Variants in RAP1GAP2 observed in about 807,000 individuals in gnomAD.
RAP1GAP2 encodes the protein rap1 GTPase-activating protein 2.
In RAP1GAP2, 27 loss-of-function variants were observed where a neutral mutation model predicts 95.0. The ratio of observed to expected loss-of-function variants is 0.28; its 90% CI spans 0.21 to 0.39. RAP1GAP2 has a LOEUF of 0.39. Ranked by LOEUF, RAP1GAP2 falls within the 10% of genes least tolerant of loss-of-function variation. The pLI is 1.00. For synonymous variants in RAP1GAP2, 373 were observed against 380.9 expected (o/e 0.98, Z 0.24); for missense variants, 771 against 970.0 (o/e 0.79, Z 2.72).
At chr17:2,876,847 T>C (rs1329557480) in intron 2 of RAP1GAP2, among the ~76,000 whole-genome samples, 1 of 151,942 alleles carries the variant, frequency 6.6e-6, no homozygotes, top group Non-Finnish European at 1.5e-5. Flanking sequence ...GGGTCATCAG[T>C]TGGTTGGGGG....
intron 2 of RAP1GAP2, among the ~76,000 whole-genome samples, chr17:2,824,322 C>T (rs1312150845): frequency 1.1e-4 from 17 of 151,348 alleles, no homozygotes; most frequent in Non-Finnish European, 2.2e-4. Flanking sequence ...TGGCACACGC[C>T]TGTAATCTCA....
At chr17:2,880,613 T>C (rs755636932) in intron 2 of RAP1GAP2, among the ~76,000 whole-genome samples, 121 of 151,944 alleles carry the variant, frequency 8.0e-4, no homozygotes, top group Non-Finnish European at 1.5e-3. Flanking sequence ...ATGGAAACTG[T>C]ATCCATTAGC....
chr17:2,905,255 C>G, intron 2 of RAP1GAP2, 29 bp from the exon 3 acceptor site: 14 of 1,602,810 alleles, frequency 8.7e-6, no homozygotes, highest in Non-Finnish European at 1.2e-5. Flanking sequence ...CAGGCAGGTC[C>G]TCACTCACCT....
At position 2,984,992 on chromosome 17, in the gene RAP1GAP2, A is replaced by T; in HGVS notation, c.739A>T (p.Met247Leu). 6.2e-7 allele frequency: 1 copy of T among 1,607,352 alleles called. No individual in the cohort carries two copies. Among genetic ancestry groups the T allele is most frequent in the Non-Finnish European group, 8.5e-7 (1 of 1,178,024 alleles). ...NPVLYPKASQMIVSYDEHEVN... is the reference protein window; with the variant it reads ...NPVLYPKASQLIVSYDEHEVN... Reference sequence around the variant, plus strand: ...TTGCCACATTTTCCAGGCCTCCCAAATGATTGTGTCCTATGATGAGCATGA... The same window carrying T: ...TTGCCACATTTTCCAGGCCTCCCAATTGATTGTGTCCTATGATGAGCATGA... Residue 247 changes from methionine to leucine, a missense_variant, in exon 11 of 25, where the codon ATG (methionine) becomes TTG (leucine). Met to Leu is a conservative substitution (Grantham distance 15). Transcript: ENST00000254695.
intron 3 of RAP1GAP2, among the ~76,000 whole-genome samples, chr17:2,921,696 GCAGGGCCGTTATGTGTCCA>G (rs1401973761): frequency 1.8e-4 from 10 of 56,948 alleles, no homozygotes; most frequent in African/African-American, 6.5e-4. Flanking sequence ...TAAGGTGTCC[GCAGGGCCGTTATGTGTCCA>G]CAGGGCCGTT....
rs775812605 is a variant in RAP1GAP2, at chr17:2,902,220, CT to C, written c.81-3050del. Reference sequence around the variant, plus strand: ...TTTCTTCACATTGTTGCCTTCCCTTCTTTTTTTTTTTTTTGAGATGGAGTCT... The same window carrying C: ...TTTCTTCACATTGTTGCCTTCCCTTCTTTTTTTTTTTTTGAGATGGAGTCT... On this transcript the variant is annotated intron_variant, in intron 2 of 24. Transcript: ENST00000254695. The surrounding 1 kb of genome is among the most constrained non-coding windows in gnomAD (Gnocchi z 4.1). Among the ~76,000 whole-genome samples, 315 of 144,508 alleles carry C rather than the reference CT, an allele frequency of 2.2e-3. No individual in the cohort carries two copies. Among genetic ancestry groups the C allele is most frequent in the Admixed American group, 2.3e-3 (33 of 14,470 alleles). The allele number at this position is 144,508 out of a possible 152,430, so 94.8% of individuals were successfully genotyped here. A position where few individuals can be genotyped will look rare whatever the true frequency, so the allele number is the denominator to read the frequency against.
In RAP1GAP2 at chr17:3,018,109, CAGA is replaced by C. The variant is rs1273129980; in HGVS notation, c.1549_1551del (p.Lys517del). The C allele has an allele frequency of 6.3e-6, 10 of 1,591,028 alleles. No individual in the cohort carries two copies. The highest frequency in any genetic ancestry group is 2.7e-5 in the African/African-American group (2 of 74,208). On this transcript the variant is annotated inframe_deletion, in exon 18 of 25. Coordinates refer to ENST00000254695, the MANE Select transcript of RAP1GAP2 (RefSeq NM_015085.5). ...CTCCATGGAGACCATGGTGGGCGGCCAGAAGAAGTCGCACAGTGGGGGCATCCC... is the reference window on the plus strand; with the variant it reads ...CTCCATGGAGACCATGGTGGGCGGCCAGAAGTCGCACAGTGGGGGCATCCC...
rs986083774 is a variant in RAP1GAP2, at chr17:2,797,066, C to A, written c.44+495C>A. Among the ~76,000 whole-genome samples, 2 of 151,866 alleles carry A rather than the reference C, an allele frequency of 1.3e-5. No homozygotes were observed. Among genetic ancestry groups the A allele is most frequent in the African/African-American group, 2.4e-5 (1 of 41,314 alleles). ...CTGTGTCTGTGTGTGCTTGTGTCTG[C>A]GTGTTTGTGTGTGTGATGCTCCTGT... is the stretch of plus-strand genomic sequence containing the variant. On this transcript the variant is annotated intron_variant, in intron 1 of 24. Coordinates refer to ENST00000254695, the MANE Select transcript of RAP1GAP2 (RefSeq NM_015085.5). This position sits in a 1 kb window ranked among gnomAD's most constrained non-coding sequence, Gnocchi z 5.6.
chr17:2,787,283 G>A (rs527316630), intron 1 of RAP1GAP2, among the ~76,000 whole-genome samples: 147 of 133,390 alleles, frequency 1.1e-3, no homozygotes, highest in African/African-American at 3.9e-3. Flanking sequence ...TTTTTTTTTC[G>A]AGACAGAGTC....
intron 8 of RAP1GAP2, among the ~76,000 whole-genome samples, chr17:2,979,856 G>A (rs1216254971): frequency 6.6e-6 from 1 of 152,126 alleles, no homozygotes; most frequent in Non-Finnish European, 1.5e-5. Context: ...TGGGCCACCT[G>A]AGGCCGATCT....
intron 8 of RAP1GAP2, among the ~76,000 whole-genome samples, chr17:2,969,175 C>CTATCTATATATATATA (rs1316715330): frequency 9.8e-6 from 1 of 101,896 alleles, no homozygotes; most frequent in Non-Finnish European, 2.2e-5. Flanking sequence ...ATCTATCTAT[C>CTATCTATATATATATA]TATCTATATA....
intron 19 of RAP1GAP2, among the ~76,000 whole-genome samples, chr17:3,020,866 T>C (rs2046936344): frequency 6.6e-6 from 1 of 152,198 alleles, no homozygotes; most frequent in South Asian, 2.1e-4. Flanking sequence ...TCTTGTTTCT[T>C]TGCCTCCTTT....
intron 3 of RAP1GAP2, among the ~76,000 whole-genome samples, chr17:2,950,835 T>A (rs1268744727): frequency 6.6e-6 from 1 of 152,106 alleles, no homozygotes; most frequent in African/African-American, 2.4e-5. Context: ...GGTCTTGAAC[T>A]CCTGACCTCA....
intron 2 of RAP1GAP2, among the ~76,000 whole-genome samples, chr17:2,820,890 T>TG (rs199946785): frequency 9.6e-6 from 1 of 103,808 alleles, no homozygotes; most frequent in Admixed American, 1.0e-4. Flanking sequence ...GCCCGGATAA[T>TG]GGTTTTTTTT....
At position 2,906,410 on chromosome 17, in the gene RAP1GAP2, G is replaced by A. The variant is rs1462444600; in HGVS notation, c.165+1042G>A. 6.6e-6 allele frequency among the ~76,000 whole-genome samples: 1 copy of A among 152,086 alleles called. No individual in the cohort carries two copies. The highest frequency in any genetic ancestry group is 2.4e-5 in the African/African-American group (1 of 41,424). On this transcript the variant is annotated intron_variant, in intron 3 of 24. Coordinates refer to ENST00000254695, the MANE Select transcript of RAP1GAP2 (RefSeq NM_015085.5). The surrounding 1 kb of genome is among the most constrained non-coding windows in gnomAD (Gnocchi z 4.3). Reference sequence around the variant, plus strand: ...AGAGCCATGTGGTATGCCTCGAGGAGCCTGTGTGTTGAGGGGTAGCCAGAG... The same window carrying A: ...AGAGCCATGTGGTATGCCTCGAGGAACCTGTGTGTTGAGGGGTAGCCAGAG...
rs1009847237 is a variant in RAP1GAP2 at position 2,784,615 on chromosome 17, C to A, written c.-14+7337C>A. On this transcript the variant is annotated intron_variant, in intron 1 of 24. Coordinates refer to the RAP1GAP2 transcript ENST00000540393. Reference sequence around the variant, plus strand: ...AGCAGCTACACTTTTGCTCACTGATCCCCTGGCCACAGGTGAGGCTTGGGT... The same window carrying A: ...AGCAGCTACACTTTTGCTCACTGATACCCTGGCCACAGGTGAGGCTTGGGT... Among the ~76,000 whole-genome samples the A allele has an allele frequency of 7.2e-5, 11 of 152,328 alleles. No individual in the cohort carries two copies. In the East Asian group the frequency reaches 2.1e-3, roughly 29 times the overall value.
Position 2,961,972 on chromosome 17 carries a change from G to A in RAP1GAP2, c.202-698G>A, listed in dbSNP as rs1234606277. Among the ~76,000 whole-genome samples, 4 of 150,138 alleles carry A rather than the reference G, an allele frequency of 2.7e-5. No individual in the cohort carries two copies. The East Asian group carries it at 5.9e-4, about 22-fold the overall frequency. On this transcript the variant is annotated intron_variant, in intron 4 of 24. Transcript: ENST00000254695. ...GGCTGAAGTGCAATGGCGCGATCTC[G>A]GCTCACTGCAACCTCTGCCTCCCGG...
At chr17:2,811,459 C>T (rs915015251) in intron 2 of RAP1GAP2, among the ~76,000 whole-genome samples, 1 of 152,250 alleles carries the variant, frequency 6.6e-6, no homozygotes, top group Admixed American at 6.5e-5. Flanking sequence ...CAGCTCCATC[C>T]TTGCTGCTTT....
intron 1 of RAP1GAP2, among the ~76,000 whole-genome samples, chr17:2,781,923 CGTCTCTGTGTGGGCAG>C (rs1567644139): frequency 1.3e-5 from 2 of 150,204 alleles, no homozygotes; most frequent in East Asian, 2.0e-4. Context: ...TGTGTGGGCA[CGTCTCTGTGTGGGCAG>C]GTCTCTGTGT....
Sources: gnomAD v4.1 joint callset for allele counts (sites outside exome capture counted in the v4.1 genomes callset) on GRCh38, gnomAD v4.1.1 for gene constraint, Gnocchi (gnomAD v3.1) non-coding constraint, MANE v1.5 for transcripts, NCBI Gene and HGNC (gene_info 2026-07-23, HGNC 2026-07-21) for gene names.